ADGRL3: variants seen among roughly 807,000 people sequenced by gnomAD.
The protein encoded by ADGRL3 is adhesion G protein-coupled receptor L3.
ADGRL3 carries 62 observed loss-of-function variants against 153.5 expected under a neutral mutation model. The ratio of observed to expected loss-of-function variants is 0.40; its 90% CI spans 0.33 to 0.50. The LOEUF (loss-of-function observed/expected upper bound fraction) is 0.50. Among genes scored for constraint, ADGRL3 ranks in the 20% least tolerant of loss-of-function variants. ADGRL3 has a pLI of 0.47. For synonymous variants in ADGRL3, 710 were observed against 672.5 expected, an observed-to-expected ratio of 1.06 and a Z score of -0.86; for missense variants, 1,641 against 1,859.4, an observed-to-expected ratio of 0.88 and a Z score of 2.16.
At chr4:61,449,513 AG>A (rs2097649033) in intron 2 of ADGRL3, among the ~76,000 whole-genome samples, 1 of 152,136 alleles carries the variant, frequency 6.6e-6, no homozygotes, top group Admixed American at 6.6e-5. Context: ...AGGCAGGTAC[AG>A]TTTAAAAGTA....
At chr4:61,938,616 G>T (rs1384733892) in intron 15 of ADGRL3, among the ~76,000 whole-genome samples, 2 of 152,076 alleles carry the variant, frequency 1.3e-5, no homozygotes, top group Admixed American at 6.6e-5. Flanking sequence ...GAACTCTGTT[G>T]CAGTAACTGT....
At chr4:61,616,638 T>C (rs1297537932) in intron 5 of ADGRL3, among the ~76,000 whole-genome samples, 1 of 152,152 alleles carries the variant, frequency 6.6e-6, no homozygotes, top group African/African-American at 2.4e-5. Flanking sequence ...GACCAAGATT[T>C]CCTTTATGAT....
intron 5 of ADGRL3, among the ~76,000 whole-genome samples, chr4:61,587,868 A>G (rs1004545759): frequency 2.0e-5 from 3 of 152,096 alleles, no homozygotes; most frequent in Non-Finnish European, 4.4e-5. Flanking sequence ...ATAATCATTA[A>G]TCAAAATGTA....
intron 6 of ADGRL3, among the ~76,000 whole-genome samples, chr4:61,683,418 T>G (rs1477890299): frequency 1.3e-5 from 2 of 152,030 alleles, no homozygotes; most frequent in African/African-American, 4.8e-5. Flanking sequence ...AGAGTAAAAT[T>G]TATTAAGCAA....
chr4:61,897,657 A>G (rs1182763337), intron 11 of ADGRL3, among the ~76,000 whole-genome samples: 2 of 152,202 alleles, frequency 1.3e-5, no homozygotes, highest in Non-Finnish European at 2.9e-5. Flanking sequence ...TTTAAATATT[A>G]GTATTGAAAA....
intron 9 of ADGRL3, among the ~76,000 whole-genome samples, chr4:61,887,280 C>CT (rs1250081058): frequency 6.6e-6 from 1 of 151,984 alleles, no homozygotes; most frequent in Non-Finnish European, 1.5e-5. Context: ...TTACTAGATT[C>CT]TTTTTATTTC....
Position 61,419,883 on chromosome 4 carries a change from C to T in ADGRL3, c.-174+36694C>T, listed in dbSNP as rs898458232. Among the ~76,000 whole-genome samples the T allele has an allele frequency of 7.9e-5, 12 of 151,940 alleles. 1 individual carries two copies. Among genetic ancestry groups the T allele is most frequent in the South Asian group, 2.1e-4 (1 of 4,820 alleles). On this transcript the variant is annotated intron_variant, in intron 2 of 26. Coordinates refer to ENST00000683033, the MANE Select transcript of ADGRL3 (RefSeq NM_001387552.1). The stretch of plus-strand genomic sequence containing the variant: ...AATGTTGGCTCACTGCAGCCTCCAC[C>T]TCCGGGTTTGAGTGATTCTGCTACC...
intron 2 of ADGRL3, among the ~76,000 whole-genome samples, chr4:61,413,301 G>A (rs2097109005): frequency 6.6e-6 from 1 of 152,046 alleles, no homozygotes; most frequent in Non-Finnish European, 1.5e-5. Context: ...CCTCCTTACT[G>A]GTGGGAAGTG....
chr4:61,728,003 G>A lies in ADGRL3; in HGVS notation c.584-2619G>A, dbSNP rs145086004. 2.5e-3 allele frequency among the ~76,000 whole-genome samples: 388 copies of A among 152,170 alleles called. 4 individuals are homozygous for A. Among genetic ancestry groups the A allele is most frequent in the African/African-American group, 8.4e-3 (349 of 41,536 alleles). On this transcript the variant is annotated intron_variant, in intron 6 of 26. Coordinates refer to ENST00000683033, the MANE Select transcript of ADGRL3 (RefSeq NM_001387552.1). ...GTAATTTGATTATTTATTCAGTGAA[G>A]GGAAGCTTCTAGAATCAGAATTAAA...
At chr4:61,285,921 A>C (rs2093923362) in intron 1 of ADGRL3, among the ~76,000 whole-genome samples, 1 of 151,764 alleles carries the variant, frequency 6.6e-6, no homozygotes, top group South Asian at 2.1e-4. Context: ...AACTACAGAA[A>C]AGTGTTTCAT....
intron 4 of ADGRL3, among the ~76,000 whole-genome samples, chr4:61,550,929 C>T (rs1380159267): frequency 1.3e-5 from 2 of 152,094 alleles, no homozygotes; most frequent in African/African-American, 4.8e-5. Flanking sequence ...TCCTACATAT[C>T]TCACTACTTA....
At chr4:61,654,650 G>A (rs546655619) in intron 5 of ADGRL3, among the ~76,000 whole-genome samples, 16 of 152,112 alleles carry the variant, frequency 1.1e-4, no homozygotes, top group Admixed American at 8.5e-4. Context: ...TGTAATCCCC[G>A]CACTTTGGGA....
chr4:61,970,782 G>A (rs1158263661), intron 17 of ADGRL3, among the ~76,000 whole-genome samples: 1 of 152,064 alleles, frequency 6.6e-6, no homozygotes, highest in Non-Finnish European at 1.5e-5. Flanking sequence ...TTCTTACTGG[G>A]TTACCCAACT....
At chr4:61,486,707 A>T (rs2098198529) in intron 2 of ADGRL3, among the ~76,000 whole-genome samples, 1 of 152,224 alleles carries the variant, frequency 6.6e-6, no homozygotes, top group South Asian at 2.1e-4. Flanking sequence ...GATTGAAATC[A>T]TACTGATATA....
At chr4:61,431,837 A>G (rs962333848) in intron 2 of ADGRL3, among the ~76,000 whole-genome samples, 6 of 152,212 alleles carry the variant, frequency 3.9e-5, no homozygotes, top group African/African-American at 1.4e-4. Flanking sequence ...AATAGTCATA[A>G]TACTTCCTCT....
intron 2 of ADGRL3, among the ~76,000 whole-genome samples, chr4:61,461,796 C>T (rs1162388479): frequency 1.3e-5 from 2 of 152,102 alleles, no homozygotes; most frequent in African/African-American, 4.8e-5. Flanking sequence ...ACAAATAAGA[C>T]CCAGGCTGGA....
rs1308113259 is a variant in ADGRL3 at position 61,200,385 on chromosome 4, C to T, written c.-1620C>T. On this transcript the variant is annotated 5_prime_UTR_variant, in exon 1 of 27. Coordinates refer to ENST00000683033, the MANE Select transcript of ADGRL3 (RefSeq NM_001387552.1). Reference sequence around the variant, plus strand: ...CCCCGCGCGCAGGCTGCACGGTCCCCGCGCGCCCGCGCTCTGACCCGCTGT... The same window carrying T: ...CCCCGCGCGCAGGCTGCACGGTCCCTGCGCGCCCGCGCTCTGACCCGCTGT... 2.0e-5 allele frequency among the ~76,000 whole-genome samples: 3 copies of T among 151,802 alleles called. No homozygotes were observed. The highest frequency in any genetic ancestry group is 7.3e-5 in the African/African-American group (3 of 41,370).
intron 1 of ADGRL3, among the ~76,000 whole-genome samples, chr4:61,253,718 TAC>T (rs200887263): frequency 5.4e-5 from 4 of 74,460 alleles, no homozygotes; most frequent in African/African-American, 2.0e-4. Context: ...CACACATATA[TAC>T]ATATATATAT....
intron 8 of ADGRL3, among the ~76,000 whole-genome samples, chr4:61,781,549 T>C (rs554170531): frequency 1.4e-4 from 21 of 152,120 alleles, no homozygotes; most frequent in Non-Finnish European, 2.4e-4. Flanking sequence ...TGCTTGGTTT[T>C]CATTAATTCT....
Sources: gnomAD v4.1 joint callset for allele counts (sites outside exome capture counted in the v4.1 genomes callset) on GRCh38, gnomAD v4.1.1 for gene constraint, MANE v1.5 for transcripts, NCBI Gene and HGNC (gene_info 2026-07-23, HGNC 2026-07-21) for gene names.